The following CAPS2 variants were observed in gnomAD, a reference collection of about 807,000 sequenced individuals.
CAPS2 encodes calcyphosin-2.
A neutral mutation model predicts 86.5 loss-of-function variants in CAPS2; 98 were observed. The observed-to-expected ratio is 1.13, with a 90% confidence interval of 0.96 to 1.34. The LOEUF is 1.34. Ranked by LOEUF, CAPS2 falls within the 40% of genes most tolerant of loss-of-function variation. The pLI, the probability that CAPS2 is intolerant of heterozygous loss-of-function variation, is 0.00. For synonymous variants in CAPS2, 210 were observed against 225.1 expected (o/e 0.93, Z 0.60); for missense variants, 729 against 686.8 (o/e 1.06, Z -0.69).
At chr12:75,324,722 A>C (rs2040607846) in intron 2 of CAPS2, among the ~76,000 whole-genome samples, 1 of 152,072 alleles carries the variant, frequency 6.6e-6, no homozygotes, top group Admixed American at 6.6e-5. Context: ...CTGTAATCTA[A>C]AATACTTGAA....
intron 13 of CAPS2, 126 bp from the exon 14 acceptor site, chr12:75,289,901 A>C: frequency 1.5e-6 from 1 of 688,650 alleles, no homozygotes; most frequent in East Asian, 2.6e-5. Flanking sequence ...ATTCAAACAA[A>C]TCAAATGTAA....
chr12:75,291,455 G>A (rs1186559377), intron 13 of CAPS2, among the ~76,000 whole-genome samples: 1 of 100,466 alleles, frequency 1.0e-5, no homozygotes, highest in African/African-American at 3.9e-5. Flanking sequence ...ATCTTAAAAC[G>A]TTTAGAAATC....
chr12:75,310,715 C>G (rs1038061115), intron 7 of CAPS2, among the ~76,000 whole-genome samples: 2 of 152,088 alleles, frequency 1.3e-5, no homozygotes, highest in African/African-American at 4.8e-5. Context: ...CTCTGCTAAT[C>G]TCAACTGAAC....
chr12:75,306,065 C>G (rs899395863), intron 7 of CAPS2: 2 of 1,467,508 alleles, frequency 1.4e-6, no homozygotes, highest in African/African-American at 2.8e-5. Context: ...CCGTCTAGAA[C>G]GTGCTGCGCG....
chr12:75,344,895 C>G (rs2042348398), intron 1 of CAPS2, among the ~76,000 whole-genome samples: 1 of 152,100 alleles, frequency 6.6e-6, no homozygotes, highest in African/African-American at 2.4e-5. Context: ...TCTGCACACT[C>G]TAACTAATAC....
At chr12:75,287,685 T>G (rs2035140984) in intron 14 of CAPS2, among the ~76,000 whole-genome samples, 1 of 152,172 alleles carries the variant, frequency 6.6e-6, no homozygotes, top group Non-Finnish European at 1.5e-5. Context: ...TCCCGATACT[T>G]TGCGTATTCA....
intron 13 of CAPS2, among the ~76,000 whole-genome samples, chr12:75,291,480 CATATATATATATATATAT>C (rs556770226): frequency 3.3e-3 from 61 of 18,638 alleles, no homozygotes; most frequent in Admixed American, 0.026. Flanking sequence ...ACAATAAAAG[CATATATATATATATATAT>C]ATATATATAT....
intron 1 of CAPS2, among the ~76,000 whole-genome samples, chr12:75,382,249 TC>T (rs2045037899): frequency 6.6e-6 from 1 of 152,230 alleles, no homozygotes; most frequent in Non-Finnish European, 1.5e-5. Context: ...TATCCCATGA[TC>T]ATTTTCAGTA....
At chr12:75,278,037 C>A (rs1027308676) in exon 17 of CAPS2, 6 of 892,934 alleles carry the variant, frequency 6.7e-6, no homozygotes, top group Non-Finnish European at 8.0e-6. Flanking sequence ...TGAACTATTC[C>A]TTGGATTCAT....
upstream of CAPS2, among the ~76,000 whole-genome samples, chr12:75,327,878 T>C (rs1169518787): frequency 3.3e-5 from 5 of 149,454 alleles, no homozygotes; most frequent in African/African-American, 9.7e-5. Flanking sequence ...AAATATATTA[T>C]TAAAATATAC....
chr12:75,386,559 C>G (rs2045302858), intron 1 of CAPS2, among the ~76,000 whole-genome samples: 1 of 152,174 alleles, frequency 6.6e-6, no homozygotes, highest in Non-Finnish European at 1.5e-5. Context: ...TTCATGAGGA[C>G]AGGGCTCTCA....
At chr12:75,285,118 T>C (rs2034638781) in intron 14 of CAPS2, 38 bp from the exon 15 acceptor site, 1 of 1,592,544 alleles carries the variant, frequency 6.3e-7, no homozygotes, top group African/African-American at 1.4e-5. Flanking sequence ...ATTTTTAAGT[T>C]ACATATCGTC....
chr12:75,309,472 T>G (rs576173245), intron 7 of CAPS2, among the ~76,000 whole-genome samples: 1 of 152,348 alleles, frequency 6.6e-6, no homozygotes, highest in African/African-American at 2.4e-5. Flanking sequence ...TGTACACACC[T>G]TTTAACAATC....
chr12:75,390,901 T>C (rs929633642), exon 1 of CAPS2: 5 of 705,264 alleles, frequency 7.1e-6, no homozygotes, highest in African/African-American at 1.8e-5. Context: ...TCTGCAGGTC[T>C]AGCTTTCCCC....
intron 1 of CAPS2, among the ~76,000 whole-genome samples, chr12:75,347,994 G>A (rs1296057428): frequency 6.6e-6 from 1 of 152,028 alleles, no homozygotes; most frequent in Non-Finnish European, 1.5e-5. Flanking sequence ...AAAATATGTT[G>A]CCACAGTAAT....
At chr12:75,376,199 A>C (rs1422021369) in intron 1 of CAPS2, among the ~76,000 whole-genome samples, 1 of 152,136 alleles carries the variant, frequency 6.6e-6, no homozygotes, top group Non-Finnish European at 1.5e-5. Flanking sequence ...AACTATTAGA[A>C]CTTTTTTTAA....
At chr12:75,312,680 G>T (rs1024873298) in intron 7 of CAPS2, among the ~76,000 whole-genome samples, 168 bp downstream of exon 7, 1 of 152,090 alleles carries the variant, frequency 6.6e-6, no homozygotes, top group Non-Finnish European at 1.5e-5. Flanking sequence ...GTCTAAGAGT[G>T]CTGTGAAAAA....
intron 1 of CAPS2, among the ~76,000 whole-genome samples, chr12:75,340,732 T>TA (rs540433596): frequency 0.014 from 1,754 of 122,754 alleles, 23 homozygotes; most frequent in African/African-American, 0.041. Context: ...AACTCAACAG[T>TA]AAAAAAAAAA....
upstream of CAPS2, chr12:75,335,017 G>C: frequency 1.0e-6 from 1 of 1,002,468 alleles, no homozygotes; most frequent in African/African-American, 1.6e-5. Flanking sequence ...CATATATGCA[G>C]TTAAAAAGAA....
Sources: gnomAD v4.1 joint callset for allele counts (sites outside exome capture counted in the v4.1 genomes callset) on GRCh38, gnomAD v4.1.1 for gene constraint, MANE v1.5 for transcripts, NCBI Gene and HGNC (gene_info 2026-07-23, HGNC 2026-07-21) for gene names.